The following PARP12 variants were observed in gnomAD, a reference collection of about 807,000 sequenced individuals.
PARP12 encodes the protein poly(ADP-ribose) polymerase family member 12, also known as protein mono-ADP-ribosyltransferase PARP12.
In PARP12, 59 loss-of-function variants were observed where a neutral mutation model predicts 72.4. The observed-to-expected ratio is 0.81, with a 90% CI of 0.66 to 1.01. PARP12 has a LOEUF of 1.01. Ranked by LOEUF, PARP12 falls within the 50% of genes least tolerant of loss-of-function variation. The pLI, the probability that PARP12 is intolerant of heterozygous loss-of-function variation, is 0.00. For missense variants in PARP12, 851 were observed against 914.0 expected (o/e 0.93, Z 0.89); for synonymous variants, 403 against 371.4 (o/e 1.09, Z -0.98).
chr7:140,062,370 T>G, intron 1 of PARP12, 152 bp downstream of exon 1: 1 of 807,534 alleles, frequency 1.2e-6, no homozygotes, highest in Non-Finnish European at 1.8e-6. Context: ...CAGGTGCTCA[T>G]TAAACGCTCG....
rs759716716 is a variant in PARP12, at chr7:140,062,543, G to A, written c.305C>T (p.Ala102Val). Residue 102 changes from alanine (A) to valine (V), a missense_variant, in exon 1 of 12, where the codon GCC (alanine) becomes GTC (valine). Around this residue, in one of 3 missense-constraint regions of PARP12, gnomAD observed 492 missense variants for 489.3 expected, o/e 1.01. Coordinates refer to ENST00000263549, the MANE Select transcript of PARP12 (RefSeq NM_022750.4). ...TTACCCGGCTCTCAGGAACTTGCAG[G>A]CGCCGTAGACCATGAACCTGCAGAG... ...LHLCRFMVYG[A>V]CKFLRAGKNC... 11 of 1,555,308 alleles carry A rather than the reference G, an allele frequency of 7.1e-6. No individual in the cohort carries two copies. Among genetic ancestry groups the A allele is most frequent in the Non-Finnish European group, 2.6e-6 (3 of 1,155,034 alleles).
At chr7:140,047,846 C>T (rs904695138) in intron 4 of PARP12, among the ~76,000 whole-genome samples, 4 of 152,122 alleles carry the variant, frequency 2.6e-5, no homozygotes, top group African/African-American at 9.7e-5. Context: ...GAACTTCTGG[C>T]CTCAAGTGAT....
At chr7:140,043,293 A>G (rs896549861) in intron 5 of PARP12, among the ~76,000 whole-genome samples, 2 of 152,234 alleles carry the variant, frequency 1.3e-5, no homozygotes, top group African/African-American at 4.8e-5. Flanking sequence ...AAAAGTTAAC[A>G]AAAACAAAAT....
intron 1 of PARP12, among the ~76,000 whole-genome samples, chr7:140,060,695 T>A (rs1439558844): frequency 6.6e-6 from 1 of 152,056 alleles, no homozygotes; most frequent in African/African-American, 2.4e-5. Flanking sequence ...AGTGGCTCTA[T>A]CCAGCCACCA....
rs760524537 is a variant in PARP12 at position 140,037,841 on chromosome 7, C to G, written c.1198G>C (p.Val400Leu). The change falls in exon 7 of 12, where the codon GTG becomes CTG. Residue 400 changes from valine (V) to leucine (L), a missense_variant. By Grantham distance (32) the Val-to-Leu change is conservative. Transcript: ENST00000263549. ...EYGRQGTVHP[V>L]TTVSSSDVEK... is the part of the protein sequence containing the mutation. ...ACGTCGCTACTGCTGACAGTGGTCA[C>G]AGGGTGCACCGTGCCCTGCGATGGA... The G allele has an allele frequency of 6.2e-7, 1 of 1,611,250 alleles. No homozygotes were observed. The highest frequency in any genetic ancestry group is 2.2e-5 in the East Asian group (1 of 44,758).
intron 5 of PARP12, among the ~76,000 whole-genome samples, chr7:140,044,985 G>C (rs1816657357): frequency 6.6e-6 from 1 of 151,370 alleles, no homozygotes; most frequent in Admixed American, 6.6e-5. Context: ...CTAACCTCTA[G>C]GATTAAAAAT....
At position 140,054,734 on chromosome 7, in the gene PARP12, G is replaced by C. The variant is rs752471727; in HGVS notation, c.790C>G (p.Pro264Ala). The change falls in exon 4 of 12, where the codon CCA becomes GCA. Residue 264 changes from proline (P) to alanine (A), a missense_variant. Physicochemically the swap from Pro to Ala is conservative, Grantham distance 27. Coordinates refer to ENST00000263549, the MANE Select transcript of PARP12 (RefSeq NM_022750.4). ...ERKDSSGSVSPNTLSQEEGDQ... is the reference protein window; with the variant it reads ...ERKDSSGSVSANTLSQEEGDQ... ...CCCTCCTCCTGGCTAAGAGTGTTTG[G>C]GGACACAGAACCTGAACTGTCTTTT... 6.2e-7 allele frequency: 1 copy of C among 1,613,940 alleles called. No individual in the cohort carries two copies.
At chr7:140,054,794 C>T in intron 3 of PARP12, 31 bp from the exon 4 acceptor site, 1 of 1,529,314 alleles carries the variant, frequency 6.5e-7, no homozygotes. Context: ...GATATGTCAG[C>T]TTCTGATATG....
In PARP12 at chr7:140,062,942, G is replaced by A. The variant is rs1817539776; in HGVS notation, c.-95C>T. 5 of 1,049,770 alleles carry A rather than the reference G, an allele frequency of 4.8e-6. No homozygotes were observed. Among genetic ancestry groups the A allele is most frequent in the Non-Finnish European group, 6.0e-6 (5 of 834,848 alleles). The allele number at this position is 1,049,770 out of a possible 1,614,324, so 65.0% of individuals were successfully genotyped here. A position where few individuals can be genotyped will look rare whatever the true frequency, so the allele number is the denominator to read the frequency against. On this transcript the variant is annotated 5_prime_UTR_variant, in exon 1 of 12. Transcript: ENST00000263549. ...GCGGCTCTCGCAGGGTGGAGACGCC[G>A]GCGGGAAACGAAACCGAAAGCGGCC...
intron 4 of PARP12, among the ~76,000 whole-genome samples, chr7:140,048,412 C>A (rs1816823936): frequency 6.6e-6 from 1 of 152,032 alleles, no homozygotes; most frequent in Non-Finnish European, 1.5e-5. Context: ...CTGTCAACAG[C>A]CTATGTGAGG....
At chr7:140,057,275 A>C (rs993444174) in intron 2 of PARP12, 122 bp from the exon 3 acceptor site, 1 of 942,410 alleles carries the variant, frequency 1.1e-6, no homozygotes. Flanking sequence ...ATCCACACAG[A>C]ACACAGCTAT....
rs572177206 is a variant in PARP12, at chr7:140,034,575, CAT to C, written c.1325-246_1325-245del. The C allele has an allele frequency of 2.6e-3, 741 of 281,274 alleles. 13 individuals carry two copies. The highest frequency in any genetic ancestry group is 0.023 in the South Asian group (671 of 28,554). 17.4% of individuals were successfully genotyped at this position (281,274 alleles called of 1,614,324 possible). On this transcript the variant is annotated intron_variant, in intron 7 of 11. Transcript: ENST00000263549. Reference sequence around the variant, plus strand: ...ATTAGTAATTGACATATCAATTACACATGAGTGCTTTTAAATTGTTCCTTCCA... The same window carrying C: ...ATTAGTAATTGACATATCAATTACACGAGTGCTTTTAAATTGTTCCTTCCA...
intron 11 of PARP12, chr7:140,025,622 A>C (rs1815708980): frequency 2.2e-6 from 1 of 448,996 alleles, no homozygotes; most frequent in South Asian, 1.6e-5. Flanking sequence ...AGAGAAAGAG[A>C]GAAGTGGCAG....
Position 140,026,198 on chromosome 7 carries a change from C to T in PARP12, c.1779G>A (p.Lys593=), listed in dbSNP as rs775427699. 6.2e-7 allele frequency: 1 copy of T among 1,614,180 alleles called. No homozygotes were observed. Among genetic ancestry groups the T allele is most frequent in the South Asian group, 1.1e-5 (1 of 91,092 alleles). Residue 593 remains lysine, a splice_region_variant and synonymous_variant, in exon 11 of 12, where the codon AAG becomes AAA. Coordinates refer to ENST00000263549, the MANE Select transcript of PARP12 (RefSeq NM_022750.4). ...TGGTGGAGGCCAGTCATGCCTTACC[C>T]TTGCCGTAGGAAGTGCCATGAACAC... ...VCGVHGTSYG[K]GSYFARDAAY...
At position 140,056,921 on chromosome 7, in the gene PARP12, T is replaced by A; in HGVS notation, c.695A>T (p.Asp232Val). The change falls in exon 3 of 12, where the codon GAC (aspartate) becomes GTC (valine). Residue 232 changes from aspartate to valine, a missense_variant. Asp to Val is a radical substitution (Grantham distance 152). This residue lies in a region of PARP12 where 492 missense variants were observed against 489.3 expected (regional missense o/e 1.01). Coordinates refer to ENST00000263549, the MANE Select transcript of PARP12 (RefSeq NM_022750.4). ...GGGGGCAGAGCTCTTATTCTTGATG[T>A]CATGTGCATTTCTATAAATGGTAGG... The part of the protein sequence containing the change: ...RLPTIYRNAH[D>V]IKNKSSAPSR... 6.2e-7 allele frequency: 1 copy of A among 1,613,904 alleles called. No homozygotes were observed. Among genetic ancestry groups the A allele is most frequent in the Non-Finnish European group, 8.5e-7 (1 of 1,180,032 alleles).
chr7:140,042,489 C>G (rs1816519706), intron 5 of PARP12, among the ~76,000 whole-genome samples: 1 of 152,228 alleles, frequency 6.6e-6, no homozygotes, highest in African/African-American at 2.4e-5. Flanking sequence ...CGAGAGCCAG[C>G]AGCTATCCCA....
At position 140,026,275 on chromosome 7, in the gene PARP12, C is replaced by A. The variant is rs376365905; in HGVS notation, c.1702G>T (p.Ala568Ser). ...DERQLFHGTS[A>S]IFVDAICQQN... Reference sequence around the variant, plus strand: ...TGGCAGATGGCGTCCACAAAAATGGCGCTGGTGCCGTGGAACAGCTGCCGC... The same window carrying A: ...TGGCAGATGGCGTCCACAAAAATGGAGCTGGTGCCGTGGAACAGCTGCCGC... The change falls in exon 11 of 12, where the codon GCC (alanine) becomes TCC (serine). Residue 568 changes from alanine (A) to serine (S), a missense_variant. Physicochemically the swap from Ala to Ser is moderately conservative, Grantham distance 99. Coordinates refer to ENST00000263549, the MANE Select transcript of PARP12 (RefSeq NM_022750.4). The A allele has an allele frequency of 6.2e-7, 1 of 1,613,868 alleles. No individual in the cohort carries two copies. The highest frequency in any genetic ancestry group is 8.5e-7 in the Non-Finnish European group (1 of 1,180,044).
At chr7:140,025,607 G>A (rs1204275405) in intron 11 of PARP12, 3 of 453,844 alleles carry the variant, frequency 6.6e-6, no homozygotes, top group South Asian at 3.1e-5. Context: ...GAAAGAGAGA[G>A]GGAGAGAGAA....
At chr7:140,027,479 CTT>C in intron 9 of PARP12, 73 bp from the exon 10 acceptor site, 1 of 1,562,220 alleles carries the variant, frequency 6.4e-7, no homozygotes, top group East Asian at 2.3e-5. Flanking sequence ...CCCAAAGCTT[CTT>C]GTAAACACTA....
Sources: allele counts gnomAD v4.1 joint callset (sites outside exome capture counted in the v4.1 genomes callset), GRCh38; gene constraint gnomAD v4.1.1; regional missense constraint gnomAD v4.1.1; transcripts MANE v1.5; gene names NCBI Gene and HGNC (gene_info 2026-07-23, HGNC 2026-07-21).